ARHGEF3: variants seen among roughly 807,000 people sequenced by gnomAD.
ARHGEF3 encodes Rho guanine nucleotide exchange factor 3.
ARHGEF3 carries 28 observed loss-of-function variants against 63.2 expected under a neutral mutation model. The ratio of observed to expected loss-of-function variants is 0.44; its 90% CI spans 0.33 to 0.61. The LOEUF is 0.61. Among genes scored for constraint, ARHGEF3 ranks in the 20% least tolerant of loss-of-function variants. ARHGEF3 has a pLI of 0.03. For synonymous variants in ARHGEF3, 266 were observed against 254.2 expected (o/e 1.05, Z -0.44); for missense variants, 533 against 659.3 (o/e 0.81, Z 2.10).
intron 4 of ARHGEF3, 135 bp from the exon 5 acceptor site, chr3:56,751,531 C>T: frequency 1.5e-6 from 1 of 688,428 alleles, no homozygotes; most frequent in South Asian, 1.8e-5. Context: ...CATAAAGCTG[C>T]AGAAACAGCA....
At chr3:56,947,744 T>C (rs1285482455) in intron 3 of ARHGEF3, among the ~76,000 whole-genome samples, 1 of 151,990 alleles carries the variant, frequency 6.6e-6, no homozygotes, top group Non-Finnish European at 1.5e-5. Context: ...ACAAGGATAT[T>C]GAGGAATTGA....
At chr3:57,067,222 C>T (rs1037219006) in intron 1 of ARHGEF3, among the ~76,000 whole-genome samples, 7 of 151,966 alleles carry the variant, frequency 4.6e-5, no homozygotes, top group Admixed American at 3.9e-4. Context: ...GAGGCCAAGG[C>T]GGGTGGATCA....
chr3:56,822,506 G>GTA lies in ARHGEF3; in HGVS notation c.193-48692_193-48691dup, dbSNP rs143203017. ...AAACTGTTTATGAGGGCACCTATATGTATATATATATGTGAAATATACATG... is the reference window on the plus strand; with the variant it reads ...AAACTGTTTATGAGGGCACCTATATGTATATATATATATGTGAAATATACATG... On this transcript the variant is annotated intron_variant, in intron 4 of 12. Coordinates refer to the ARHGEF3 transcript ENST00000338458. Among the ~76,000 whole-genome samples, 843 of 152,170 alleles carry GTA rather than the reference G, an allele frequency of 5.5e-3. 7 individuals carry two copies. The highest frequency in any genetic ancestry group is 0.016 in the African/African-American group (647 of 41,522).
intron 2 of ARHGEF3, among the ~76,000 whole-genome samples, chr3:57,014,839 C>T (rs1337435789): frequency 6.6e-6 from 1 of 152,106 alleles, no homozygotes; most frequent in Non-Finnish European, 1.5e-5. Flanking sequence ...CGCCACTGCA[C>T]TTGGCTAATT....
chr3:56,958,724 G>T, intron 3 of ARHGEF3: 1 of 1,265,564 alleles, frequency 7.9e-7, no homozygotes. Context: ...TGGAGACTTT[G>T]ATTAGTAAAA....
At chr3:56,859,373 T>C (rs1157516917) in intron 4 of ARHGEF3, among the ~76,000 whole-genome samples, 1 of 151,954 alleles carries the variant, frequency 6.6e-6, no homozygotes, top group Non-Finnish European at 1.5e-5. Flanking sequence ...TCTCCTGACC[T>C]CGTGATCCGC....
intron 1 of ARHGEF3, among the ~76,000 whole-genome samples, chr3:57,043,216 A>C (rs1392488520): frequency 6.6e-6 from 1 of 151,580 alleles, no homozygotes; most frequent in Non-Finnish European, 1.5e-5. Flanking sequence ...TCCTGTGTTC[A>C]AGCGATTCTC....
At chr3:56,975,830 A>T (rs549194991) in intron 2 of ARHGEF3, 9 of 410,812 alleles carry the variant, frequency 2.2e-5, no homozygotes, top group East Asian at 7.7e-5. Flanking sequence ...ACTTAAAAAA[A>T]AATAATAAAA....
At chr3:56,737,456 A>T in intron 7 of ARHGEF3, 101 bp from the exon 8 acceptor site, 2 of 881,950 alleles carry the variant, frequency 2.3e-6, no homozygotes, top group Non-Finnish European at 3.3e-6. Context: ...ACACACCTGG[A>T]TCTAACTCTG....
At chr3:56,986,271 G>A (rs1398508115) in intron 2 of ARHGEF3, among the ~76,000 whole-genome samples, 10 of 152,168 alleles carry the variant, frequency 6.6e-5, no homozygotes, top group African/African-American at 1.2e-4. Context: ...GCTTCCCAGT[G>A]CCCTCAGACT....
intron 4 of ARHGEF3, among the ~76,000 whole-genome samples, chr3:56,834,124 C>G (rs1461740748): frequency 6.6e-6 from 1 of 152,042 alleles, no homozygotes; most frequent in Admixed American, 6.5e-5. Flanking sequence ...AGGCTGGTTC[C>G]GAACTCCTGA....
chr3:56,967,798 T>A (rs1333646506), intron 2 of ARHGEF3, among the ~76,000 whole-genome samples: 3 of 66,912 alleles, frequency 4.5e-5, no homozygotes, highest in African/African-American at 1.8e-4. Flanking sequence ...ATATATTACA[T>A]ATTATATAAT....
intron 2 of ARHGEF3, among the ~76,000 whole-genome samples, chr3:56,975,005 T>C (rs915316889): frequency 6.6e-6 from 1 of 152,262 alleles, no homozygotes; most frequent in Admixed American, 6.5e-5. Flanking sequence ...ATGAGACGGA[T>C]GTGGGATCAG....
chr3:56,787,302 C>T (rs989805089), intron 1 of ARHGEF3, among the ~76,000 whole-genome samples: 2 of 152,136 alleles, frequency 1.3e-5, no homozygotes, highest in Non-Finnish European at 2.9e-5. Context: ...TGCAGAGGGC[C>T]ACTTGACCCT....
In ARHGEF3 at chr3:56,897,264, C is replaced by G. The variant is rs181178071; in HGVS notation, c.130-14910G>C. On this transcript the variant is annotated intron_variant, in intron 3 of 12. Coordinates refer to the ARHGEF3 transcript ENST00000338458. The stretch of plus-strand genomic sequence containing the variant: ...CCTACAACCTGGTGCCTGTGTCCAG[C>G]TTGTTCACATGCCCATCATTCTTAG... Among the ~76,000 whole-genome samples the G allele has an allele frequency of 7.5e-4, 114 of 152,310 alleles. 1 individual carries two copies. The highest frequency in any genetic ancestry group is 6.8e-3 in the Middle Eastern group (2 of 294).
chr3:56,744,432 C>G (rs2034250993), intron 7 of ARHGEF3, among the ~76,000 whole-genome samples: 1 of 145,198 alleles, frequency 6.9e-6, no homozygotes, highest in South Asian at 2.2e-4. Flanking sequence ...GAGTCTCACT[C>G]TGTTGCCCAG....
intron 1 of ARHGEF3, among the ~76,000 whole-genome samples, chr3:57,053,278 G>A (rs568123020): frequency 5.3e-5 from 8 of 152,266 alleles, no homozygotes; most frequent in South Asian, 4.1e-4. Context: ...CAAAGGACAC[G>A]TGGGTAGGAG....
At chr3:56,803,476 G>C (rs970722856), upstream of ARHGEF3, among the ~76,000 whole-genome samples, 2 of 148,962 alleles carry the variant, frequency 1.3e-5, no homozygotes, top group Non-Finnish European at 3.0e-5. Flanking sequence ...ATAGAGGAAG[G>C]AAGAAAGGAA....
At chr3:56,894,285 C>T (rs959639131) in intron 3 of ARHGEF3, among the ~76,000 whole-genome samples, 5 of 152,154 alleles carry the variant, frequency 3.3e-5, no homozygotes, top group Admixed American at 6.5e-5. Context: ...CTTTTGTTAA[C>T]CAATGTATCT....
Sources: allele counts gnomAD v4.1 joint callset (sites outside exome capture counted in the v4.1 genomes callset), GRCh38; gene constraint gnomAD v4.1.1; transcripts MANE v1.5; gene names NCBI Gene and HGNC (gene_info 2026-07-23, HGNC 2026-07-21).